RAPGEF2: variants seen among roughly 807,000 people sequenced by gnomAD.
The protein encoded by RAPGEF2 is Rap guanine nucleotide exchange factor 2.
In RAPGEF2, 54 loss-of-function variants were observed where a neutral mutation model predicts 186.7. The ratio of observed to expected loss-of-function variants is 0.29; its 90% CI spans 0.23 to 0.36. RAPGEF2 has a LOEUF of 0.36. Ranked by LOEUF, RAPGEF2 falls within the 10% of genes least tolerant of loss-of-function variation. The probability of loss-of-function intolerance (pLI) is 1.00; values close to 1 mark genes in which losing one functional copy is unlikely to be tolerated. For synonymous variants in RAPGEF2, 712 were observed against 705.9 expected (o/e 1.01, Z -0.14); for missense variants, 1,532 against 2,045.0 (o/e 0.75, Z 4.84).
At chr4:159,250,571 T>C (rs1755194575) in intron 7 of RAPGEF2, among the ~76,000 whole-genome samples, 1 of 152,166 alleles carries the variant, frequency 6.6e-6, no homozygotes, top group African/African-American at 2.4e-5. Flanking sequence ...CCATTTGTGG[T>C]TTCAATACAA....
At chr4:159,284,100 T>G (rs1242507259) in intron 7 of RAPGEF2, among the ~76,000 whole-genome samples, 1 of 152,244 alleles carries the variant, frequency 6.6e-6, no homozygotes, top group Non-Finnish European at 1.5e-5. Context: ...TGAAGTTTCT[T>G]TATTGAAAAG....
chr4:159,249,630 A>G (rs577248222), intron 7 of RAPGEF2, among the ~76,000 whole-genome samples: 46 of 152,176 alleles, frequency 3.0e-4, no homozygotes, highest in African/African-American at 9.4e-4. Flanking sequence ...GTATTTATCT[A>G]TATAAAATTT....
intron 9 of RAPGEF2, among the ~76,000 whole-genome samples, chr4:159,315,219 A>T (rs773780204): frequency 1.3e-5 from 2 of 152,078 alleles, no homozygotes; most frequent in Non-Finnish European, 1.5e-5. Context: ...GGAAGGAGAC[A>T]GCAAAATGTC....
intron 7 of RAPGEF2, among the ~76,000 whole-genome samples, chr4:159,271,108 T>C (rs1167465658): frequency 1.3e-5 from 2 of 152,186 alleles, no homozygotes; most frequent in Non-Finnish European, 2.9e-5. Flanking sequence ...TTAGGGAAAT[T>C]GTTAGCATTA....
intron 1 of RAPGEF2, among the ~76,000 whole-genome samples, chr4:159,117,017 C>G (rs1739125979): frequency 6.6e-6 from 1 of 152,100 alleles, no homozygotes; most frequent in African/African-American, 2.4e-5. Flanking sequence ...GCACATGTAT[C>G]CTGGAACTTA....
chr4:159,168,551 TC>T, intron 1 of RAPGEF2, among the ~76,000 whole-genome samples: 1 of 151,978 alleles, frequency 6.6e-6, no homozygotes, highest in East Asian at 1.9e-4. Context: ...TTGGGTTTCA[TC>T]CCCAAGAGCA....
At position 159,226,603 on chromosome 4, in the gene RAPGEF2, C is replaced by T. The variant is rs529109139; in HGVS notation, c.282-12206C>T. Among the ~76,000 whole-genome samples the T allele has an allele frequency of 3.9e-5, 6 of 152,282 alleles. No homozygotes were observed. In the South Asian group the frequency reaches 8.3e-4, roughly 21 times the overall value. On this transcript the variant is annotated intron_variant, in intron 4 of 29. Coordinates refer to ENST00000691494, the MANE Select transcript of RAPGEF2 (RefSeq NM_001394067.2). ...TAACAATATTGAGCTTTCCAAACCG[C>T]GAACTCTTTCTCCATTTAAGTTTTC...
At chr4:159,210,921 G>A (rs1204084782) in intron 4 of RAPGEF2, among the ~76,000 whole-genome samples, 1 of 152,124 alleles carries the variant, frequency 6.6e-6, no homozygotes, top group Middle Eastern at 3.2e-3. Context: ...AGTATAGCAG[G>A]CAGTCTCATA....
intron 4 of RAPGEF2, among the ~76,000 whole-genome samples, chr4:159,227,982 T>A (rs899481575): frequency 2.0e-5 from 3 of 152,168 alleles, no homozygotes; most frequent in African/African-American, 7.2e-5. Flanking sequence ...CCTTGAAGAC[T>A]CAGAGGAGAG....
chr4:159,216,190 A>G (rs1750976726), intron 4 of RAPGEF2, among the ~76,000 whole-genome samples: 1 of 152,128 alleles, frequency 6.6e-6, no homozygotes, highest in African/African-American at 2.4e-5. Context: ...GGAATATTCA[A>G]AGGAAGCAAG....
intron 7 of RAPGEF2, among the ~76,000 whole-genome samples, chr4:159,284,352 A>T (rs999462184): frequency 6.6e-6 from 1 of 152,168 alleles, no homozygotes; most frequent in Non-Finnish European, 1.5e-5. Flanking sequence ...TTTCTTGTAC[A>T]CATAACTCCA....
chr4:159,178,927 C>G (rs1003042626), intron 1 of RAPGEF2, among the ~76,000 whole-genome samples: 16 of 152,084 alleles, frequency 1.1e-4, no homozygotes, highest in African/African-American at 2.4e-4. Context: ...CAATCACCCC[C>G]CTAAAGTACT....
At position 159,231,466 on chromosome 4, in the gene RAPGEF2, CAT is replaced by C. The variant is rs1407121120; in HGVS notation, c.282-7338_282-7337del. On this transcript the variant is annotated intron_variant, in intron 4 of 29. Coordinates refer to ENST00000691494, the MANE Select transcript of RAPGEF2 (RefSeq NM_001394067.2). Reference sequence around the variant, plus strand: ...TTAAACAAAAGTTTCTCACATGAATCATATATCCGTGTGAGAAATAATATATG... The same window carrying C: ...TTAAACAAAAGTTTCTCACATGAATCATATCCGTGTGAGAAATAATATATG... 2.6e-5 allele frequency among the ~76,000 whole-genome samples: 4 copies of C among 151,762 alleles called. No homozygotes were observed. In the South Asian group the frequency reaches 6.2e-4, roughly 24 times the overall value.
At chr4:159,173,180 A>G (rs1376320786) in intron 1 of RAPGEF2, among the ~76,000 whole-genome samples, 1 of 152,208 alleles carries the variant, frequency 6.6e-6, no homozygotes, top group Non-Finnish European at 1.5e-5. Flanking sequence ...CAGATGTCAA[A>G]TTATTTTTGT....
intron 26 of RAPGEF2, 102 bp downstream of exon 26, chr4:159,350,391 A>G: frequency 1.0e-6 from 1 of 1,002,962 alleles, no homozygotes; most frequent in Non-Finnish European, 1.3e-6. Context: ...CATTATAGTC[A>G]TTTAAGATGA....
At chr4:159,123,539 CTTTTTTT>C (rs1194385402) in intron 1 of RAPGEF2, among the ~76,000 whole-genome samples, 1 of 133,700 alleles carries the variant, frequency 7.5e-6, no homozygotes, top group Non-Finnish European at 1.6e-5. Flanking sequence ...GGATTTTTAT[CTTTTTTT>C]TTTTTTTTTT....
intron 25 of RAPGEF2, among the ~76,000 whole-genome samples, chr4:159,349,641 A>T (rs1421535249): frequency 1.3e-5 from 2 of 152,268 alleles, no homozygotes; most frequent in East Asian, 3.9e-4. Flanking sequence ...TCACTTTCCT[A>T]GTTAGCTCCT....
At chr4:159,126,904 A>C (rs571914798) in intron 1 of RAPGEF2, among the ~76,000 whole-genome samples, 1 of 152,322 alleles carries the variant, frequency 6.6e-6, no homozygotes, top group Admixed American at 6.5e-5. Flanking sequence ...CATATTTGTA[A>C]CCACAAAGAA....
chr4:159,186,683 C>G lies in RAPGEF2; in HGVS notation c.111C>G (p.Ala37=). The change falls in exon 2 of 30, where the codon GCC becomes GCG. Residue 37 remains alanine, a synonymous_variant. Transcript: ENST00000691494. Reference sequence around the variant, plus strand: ...ATTCCTATTTACATGGTATGGAAGCCTTATCAAACTTGAGGGAGCATCAAC... The same window carrying G: ...ATTCCTATTTACATGGTATGGAAGCGTTATCAAACTTGAGGGAGCATCAAC... The part of the protein sequence containing the change: ...IVYSYLHGME[A]LSNLREHQLR... 1 of 1,473,822 alleles carries G rather than the reference C, an allele frequency of 6.8e-7. No individual in the cohort carries two copies. Among genetic ancestry groups the G allele is most frequent in the Non-Finnish European group, 9.1e-7 (1 of 1,099,476 alleles). 91.3% of individuals were successfully genotyped at this position (1,473,822 alleles called of 1,614,324 possible).
Sources: allele counts gnomAD v4.1 joint callset (sites outside exome capture counted in the v4.1 genomes callset), GRCh38; gene constraint gnomAD v4.1.1; transcripts MANE v1.5; gene names NCBI Gene and HGNC (gene_info 2026-07-23, HGNC 2026-07-21).